COXFA4L2: variants seen among roughly 807,000 people sequenced by gnomAD.
The protein encoded by COXFA4L2 is cytochrome c oxidase hypoxia associated subunit FA4L2.
At chr12:57,235,344 A>G in the COXFA4L2 span, 1 of 596,262 alleles carries the variant, frequency 1.7e-6, no homozygotes, top group East Asian at 2.8e-5. Context: ...CTCCTCCCCC[A>G]CGTGGGACTC....
the COXFA4L2 span, chr12:57,236,887 G>A: frequency 6.4e-5 from 77 of 1,210,886 alleles, 2 homozygotes; most frequent in African/African-American, 1.0e-3. Context: ...ACACAGGGAC[G>A]TTTCGGAGAG....
At chr12:57,237,847 C>T in the COXFA4L2 span, 1 of 154,440 alleles carries the variant, frequency 6.5e-6, no homozygotes, top group African/African-American at 2.4e-5. Context: ...AGGCCATCCA[C>T]TTCCTCTGGC....
At chr12:57,236,511 C>T in the COXFA4L2 span, 2 of 1,209,232 alleles carry the variant, frequency 1.7e-6, no homozygotes, top group African/African-American at 1.5e-5. Flanking sequence ...CAGCAGGGCA[C>T]GGGATCCCCA....
At chr12:57,237,313 CTCTCTCCTCCAGATG>C in the COXFA4L2 span, 1 of 1,426,998 alleles carries the variant, frequency 7.0e-7, no homozygotes, top group African/African-American at 1.4e-5. Flanking sequence ...TGCTCTCCGA[CTCTCTCCTCCAGATG>C]TCTGCACCTG....
the COXFA4L2 span, chr12:57,235,381 T>C: frequency 1.5e-6 from 1 of 681,280 alleles, no homozygotes; most frequent in Non-Finnish European, 2.6e-6. Flanking sequence ...GCGCTTCCGC[T>C]GCTGGGAGCA....
chr12:57,235,591 TTCTTATAG>T, the COXFA4L2 span: 2 of 1,614,114 alleles, frequency 1.2e-6, no homozygotes, highest in South Asian at 1.1e-5. Flanking sequence ...CTTCTTCAGC[TTCTTATAG>T]TCAGTGGAAA....
At chr12:57,235,429 G>A in the COXFA4L2 span, 23 of 967,228 alleles carry the variant, frequency 2.4e-5, no homozygotes, top group East Asian at 4.8e-5. Flanking sequence ...TCCCCTCTGC[G>A]TGGGAACCCG....
At chr12:57,238,193 T>C in the COXFA4L2 span, among the ~76,000 whole-genome samples, 1 of 152,140 alleles carries the variant, frequency 6.6e-6, no homozygotes, top group Non-Finnish European at 1.5e-5. The surrounding 1 kb of genome is among the most constrained non-coding windows in gnomAD (Gnocchi z 6.8). Flanking sequence ...TGCACCCGTC[T>C]CTGGGATCGT....
At chr12:57,235,831 G>A in the COXFA4L2 span, 12 of 1,516,996 alleles carry the variant, frequency 7.9e-6, no homozygotes, top group Non-Finnish European at 9.7e-6. Flanking sequence ...GAGGGGGGAG[G>A]GTTAGGGTCT....
the COXFA4L2 span, chr12:57,236,157 C>G: frequency 3.0e-6 from 1 of 336,216 alleles, no homozygotes; most frequent in African/African-American, 2.1e-5. Flanking sequence ...GGTGATGTGC[C>G]GGGAATTATA....
At chr12:57,238,224 G>A in the COXFA4L2 span, among the ~76,000 whole-genome samples, 7 of 152,150 alleles carry the variant, frequency 4.6e-5, no homozygotes, top group East Asian at 9.6e-4. The surrounding 1 kb of genome is among the most constrained non-coding windows in gnomAD (Gnocchi z 6.8). Flanking sequence ...GGAGGGAGAG[G>A]GCGCTTTCTA....
chr12:57,235,888 C>G, the COXFA4L2 span: 2 of 1,344,212 alleles, frequency 1.5e-6, no homozygotes, highest in East Asian at 5.0e-5. Context: ...CCCCCAAGCT[C>G]CACCCGGAGG....
the COXFA4L2 span, chr12:57,235,861 T>C: frequency 6.8e-7 from 1 of 1,467,746 alleles, no homozygotes; most frequent in South Asian, 1.5e-5. Context: ...GACCCAGAAC[T>C]CTGTAACCCA....
the COXFA4L2 span, chr12:57,235,676 A>G: frequency 6.2e-7 from 1 of 1,612,274 alleles, no homozygotes; most frequent in Non-Finnish European, 8.5e-7. Context: ...CTTTGCTTCT[A>G]GTACGGGAGT....
At chr12:57,236,346 T>C in the COXFA4L2 span, 4,783 of 482,852 alleles carry the variant, frequency 9.9e-3, 103 homozygotes, top group East Asian at 0.073. Context: ...GGCGTCGTCA[T>C]GGCAACCCGG....
At chr12:57,236,247 C>T in the COXFA4L2 span, 1 of 347,972 alleles carries the variant, frequency 2.9e-6, no homozygotes, top group Non-Finnish European at 5.2e-6. Context: ...GTCCCCAATG[C>T]CACCCCCAGC....
At chr12:57,240,562 G>GGC in the COXFA4L2 span, 4 of 522,854 alleles carry the variant, frequency 7.7e-6, no homozygotes, top group Non-Finnish European at 9.8e-6. Context: ...GACTCACCCC[G>GGC]GCGCGCGCAC....
At chr12:57,238,428 G>A in the COXFA4L2 span, among the ~76,000 whole-genome samples, 17 of 152,130 alleles carry the variant, frequency 1.1e-4, no homozygotes, top group Non-Finnish European at 1.6e-4. This position sits in a 1 kb window ranked among gnomAD's most constrained non-coding sequence, Gnocchi z 6.8. Flanking sequence ...GGGGAGCGGG[G>A]CTGACGGGCT....
At chr12:57,238,411 G>A in the COXFA4L2 span, among the ~76,000 whole-genome samples, 2 of 152,170 alleles carry the variant, frequency 1.3e-5, no homozygotes, top group Admixed American at 1.3e-4. The surrounding 1 kb of genome is among the most constrained non-coding windows in gnomAD (Gnocchi z 6.8). Context: ...TGTGTGTGGG[G>A]GGGGCGGGGG....
Sources: gnomAD v4.1 joint callset for allele counts (sites outside exome capture counted in the v4.1 genomes callset) on GRCh38, gnomAD v4.1.1 for gene constraint, Gnocchi (gnomAD v3.1) non-coding constraint, MANE v1.5 for transcripts, NCBI Gene and HGNC (gene_info 2026-07-23, HGNC 2026-07-21) for gene names.